FAT3: variants seen among roughly 807,000 people sequenced by gnomAD.
FAT3 encodes the protein FAT atypical cadherin 3.
Under a neutral mutation model 310.2 loss-of-function variants are expected in FAT3, and 95 were observed. That is an observed-to-expected ratio of 0.31 (90% CI 0.26 to 0.36). The LOEUF is 0.36. FAT3 is among the 10% of genes least tolerant of loss of function. The probability of loss-of-function intolerance (pLI) is 1.00; values close to 1 mark genes in which losing one functional copy is unlikely to be tolerated. For synonymous variants in FAT3, 2,314 were observed against 2,192.9 expected (o/e 1.06, Z -1.54); for missense variants, 5,408 against 5,715.6 (o/e 0.95, Z 1.74).
At chr11:92,832,986 G>A (rs1276043322) in intron 14 of FAT3, among the ~76,000 whole-genome samples, 2 of 152,178 alleles carry the variant, frequency 1.3e-5, no homozygotes, top group Non-Finnish European at 1.5e-5. Flanking sequence ...GGAACATGTA[G>A]CATCACCTAG....
At chr11:92,706,363 A>G (rs568349287) in intron 4 of FAT3, among the ~76,000 whole-genome samples, 11 of 152,086 alleles carry the variant, frequency 7.2e-5, no homozygotes, top group Non-Finnish European at 1.6e-4. Context: ...ACAAGATGCC[A>G]TGGGTCTGGG....
At chr11:92,548,859 GTTAT>G (rs1300159906) in intron 3 of FAT3, among the ~76,000 whole-genome samples, 1 of 152,104 alleles carries the variant, frequency 6.6e-6, no homozygotes, top group African/African-American at 2.4e-5. Context: ...GATAAGACTG[GTTAT>G]TTGTGTGGAA....
At chr11:92,382,485 C>T (rs1241258398) in intron 2 of FAT3, among the ~76,000 whole-genome samples, 2 of 152,154 alleles carry the variant, frequency 1.3e-5, no homozygotes, top group Admixed American at 1.3e-4. Context: ...CCTTTCCTTT[C>T]CTGACGGGAG....
chr11:92,716,456 GA>G (rs111932722), intron 4 of FAT3, among the ~76,000 whole-genome samples: 1,620 of 141,770 alleles, frequency 0.011, 21 homozygotes, highest in African/African-American at 0.038. Flanking sequence ...TTCCAGTGCA[GA>G]AAAAAAAAAG....
chr11:92,670,320 C>G (rs1363753249), intron 3 of FAT3, among the ~76,000 whole-genome samples: 4 of 152,192 alleles, frequency 2.6e-5, no homozygotes, highest in Admixed American at 2.6e-4. Flanking sequence ...GCAGACTTCA[C>G]ACTCACAAAT....
At chr11:92,762,457 A>G (rs1198190523) in intron 5 of FAT3, among the ~76,000 whole-genome samples, 1 of 152,158 alleles carries the variant, frequency 6.6e-6, no homozygotes, top group Non-Finnish European at 1.5e-5. Flanking sequence ...GCAGCCCTAA[A>G]TCATCCTCAA....
At chr11:92,474,034 A>T (rs906261693) in intron 2 of FAT3, among the ~76,000 whole-genome samples, 4 of 152,166 alleles carry the variant, frequency 2.6e-5, no homozygotes, top group Non-Finnish European at 4.4e-5. Context: ...GTCAAATCCA[A>T]CTGGAGAACG....
In FAT3 at chr11:92,225,239, G is replaced by A. The variant is rs539529099; in HGVS notation, c.-18+65G>A. ...TGCACCGACTGGAGCGCGCCTGCCG[G>A]AGCACAGCCTCAGCTGCTGGGTGCA... On this transcript the variant is annotated intron_variant, in intron 1 of 27. Transcript: ENST00000525166. Among the ~76,000 whole-genome samples, 14 of 152,340 alleles carry A rather than the reference G, an allele frequency of 9.2e-5. No homozygotes were observed. In the South Asian group the frequency reaches 1.4e-3, roughly 16 times the overall value.
rs781472575 is a variant in FAT3 at position 92,834,915 on chromosome 11, G to C, written c.9917G>C (p.Arg3306Thr). 16 of 1,612,752 alleles carry C rather than the reference G, an allele frequency of 9.9e-6. No individual in the cohort carries two copies. The highest frequency in any genetic ancestry group is 4.5e-5 in the East Asian group (2 of 44,872). ...GTCCTGGACTATGAATTATGCAAAA[G>C]GTTTTACCTGGTAGTGGAAGCCAAA... ...SEVLDYELCK[R>T]FYLVVEAKDG... Residue 3306 changes from arginine to threonine, a missense_variant, in exon 15 of 28, where the codon AGG (arginine) becomes ACG (threonine). This residue lies in a region of FAT3 where 4,588 missense variants were observed against 4,809.8 expected (regional missense o/e 0.95). Coordinates refer to ENST00000525166, the MANE Select transcript of FAT3 (RefSeq NM_001367949.2).
intron 2 of FAT3, among the ~76,000 whole-genome samples, chr11:92,385,160 CT>C (rs1376143669): frequency 6.6e-6 from 1 of 152,196 alleles, no homozygotes; most frequent in East Asian, 1.9e-4. Context: ...AGCATCAGCT[CT>C]TTCTATTTCT....
intron 1 of FAT3, among the ~76,000 whole-genome samples, chr11:92,298,448 A>G (rs1028885709): frequency 6.6e-6 from 1 of 152,140 alleles, no homozygotes; most frequent in African/African-American, 2.4e-5. Flanking sequence ...ATGTACAGTC[A>G]CATCTCCTTT....
intron 3 of FAT3, among the ~76,000 whole-genome samples, chr11:92,674,607 T>G (rs1055970135): frequency 1.6e-4 from 24 of 152,038 alleles, no homozygotes; most frequent in Non-Finnish European, 3.4e-4. Context: ...CCTGCAGCCT[T>G]GAACTCCAGG....
intron 2 of FAT3, among the ~76,000 whole-genome samples, chr11:92,404,290 A>G (rs1288568190): frequency 2.6e-5 from 4 of 152,118 alleles, no homozygotes; most frequent in African/African-American, 9.7e-5. Context: ...TTGATGGCTA[A>G]AACACACTGT....
chr11:92,867,267 C>T, intron 22 of FAT3, 58 bp downstream of exon 22: 2 of 1,454,468 alleles, frequency 1.4e-6, no homozygotes, highest in Non-Finnish European at 1.8e-6. Context: ...AGTGAATGAA[C>T]TGCAGGGGGA....
intron 2 of FAT3, among the ~76,000 whole-genome samples, chr11:92,493,059 T>C (rs1952655021): frequency 6.6e-6 from 1 of 152,128 alleles, no homozygotes; most frequent in African/African-American, 2.4e-5. Flanking sequence ...CTTGTCATTC[T>C]CAAGGTGAAA....
intron 2 of FAT3, among the ~76,000 whole-genome samples, chr11:92,507,998 A>G (rs1953173223): frequency 6.6e-6 from 1 of 152,160 alleles, no homozygotes; most frequent in Non-Finnish European, 1.5e-5. Flanking sequence ...ATGAAAGAAA[A>G]TAGACATTCT....
rs566374882 is a variant in FAT3 at position 92,265,940 on chromosome 11, C to T, written c.-18+40766C>T. 6.8e-4 allele frequency among the ~76,000 whole-genome samples: 104 copies of T among 152,190 alleles called. 1 individual carries two copies. The highest frequency in any genetic ancestry group is 2.3e-3 in the South Asian group (11 of 4,808). On this transcript the variant is annotated intron_variant, in intron 1 of 27. Transcript: ENST00000525166. Reference sequence around the variant, plus strand: ...TCATAGCATTGGGGAAAGGGCAGGACGCTCCAGACCTCTTTTTCCCTTCCT... The same window carrying T: ...TCATAGCATTGGGGAAAGGGCAGGATGCTCCAGACCTCTTTTTCCCTTCCT...
At chr11:92,421,890 C>T (rs1489131711) in intron 2 of FAT3, among the ~76,000 whole-genome samples, 2 of 152,136 alleles carry the variant, frequency 1.3e-5, no homozygotes, top group Admixed American at 6.6e-5. Flanking sequence ...GCTATTTTTT[C>T]CTCCCTGTTT....
At chr11:92,881,308 C>G (rs1322382111) in intron 23 of FAT3, among the ~76,000 whole-genome samples, 1 of 152,048 alleles carries the variant, frequency 6.6e-6, no homozygotes, top group African/African-American at 2.4e-5. Context: ...CTTTGCAAAC[C>G]TTTCTTTCAT....
Sources: gnomAD v4.1 joint callset for allele counts (sites outside exome capture counted in the v4.1 genomes callset) on GRCh38, gnomAD v4.1.1 for gene constraint, gnomAD v4.1.1 regional missense constraint, MANE v1.5 for transcripts, NCBI Gene and HGNC (gene_info 2026-07-23, HGNC 2026-07-21) for gene names.